Variants in AKAP1 observed in about 807,000 individuals in gnomAD.
The protein encoded by AKAP1 is A-kinase anchoring protein 1.
In AKAP1, 32 loss-of-function variants were observed where a neutral mutation model predicts 79.8. The observed-to-expected ratio is 0.40, with a 90% CI of 0.30 to 0.54. The LOEUF is 0.54. Ranked by LOEUF, AKAP1 falls within the 20% of genes least tolerant of loss-of-function variation. The pLI is 0.47. For missense variants in AKAP1, 961 were observed against 1,138.9 expected, an observed-to-expected ratio of 0.84 and a Z score of 2.25; for synonymous variants, 416 against 466.7, an observed-to-expected ratio of 0.89 and a Z score of 1.40.
chr17:57,107,895 G>C (rs1914993219), intron 2 of AKAP1: 1 of 1,206,034 alleles, frequency 8.3e-7, no homozygotes, highest in African/African-American at 1.6e-5. Context: ...AGCTTCCTGA[G>C]TTGTCGCTGT....
At position 57,086,426 on chromosome 17, in the gene AKAP1, C is replaced by T; in HGVS notation, c.-25+1028C>T. 2 of 456,488 alleles carry T rather than the reference C, an allele frequency of 4.4e-6. No homozygotes were observed. Among genetic ancestry groups the T allele is most frequent in the Non-Finnish European group, 8.8e-6 (2 of 226,798 alleles). 28.3% of individuals were successfully genotyped at this position (456,488 alleles called of 1,614,324 possible). ...CGTGGTAGGCGGTGCTGTGGCGACT[C>T]GGAACGGCATGGGAGCCCTGGGCGT... On this transcript the variant is annotated intron_variant, in intron 1 of 10. Coordinates refer to ENST00000337714, the MANE Select transcript of AKAP1 (RefSeq NM_003488.4). This position sits in a 1 kb window ranked among gnomAD's most constrained non-coding sequence, Gnocchi z 5.1.
At chr17:57,100,958 G>A (rs1056998872) in intron 1 of AKAP1, among the ~76,000 whole-genome samples, 7 of 152,342 alleles carry the variant, frequency 4.6e-5, no homozygotes, top group South Asian at 4.1e-4. Context: ...GAACCCGGGA[G>A]GCGGAGGTTG....
intron 1 of AKAP1, chr17:57,094,195 G>A (rs1913951464): frequency 6.6e-6 from 1 of 152,192 alleles, no homozygotes; most frequent in Non-Finnish European, 1.5e-5. Flanking sequence ...CACATACCAG[G>A]TACTCGCAAC....
intron 1 of AKAP1, among the ~76,000 whole-genome samples, chr17:57,097,744 G>T (rs971794545): frequency 8.5e-5 from 13 of 152,248 alleles, no homozygotes; most frequent in African/African-American, 3.1e-4. Context: ...GCCTTTGTCA[G>T]TGTGAACACT....
intron 1 of AKAP1, among the ~76,000 whole-genome samples, chr17:57,101,380 T>G (rs1184361135): frequency 6.6e-6 from 1 of 152,210 alleles, no homozygotes; most frequent in Non-Finnish European, 1.5e-5. Flanking sequence ...GTTTCACATG[T>G]TGCCCAGGCT....
chr17:57,098,088 G>T lies in AKAP1; in HGVS notation c.-24-7353G>T, dbSNP rs117084696. Among the ~76,000 whole-genome samples the T allele has an allele frequency of 1.3e-3, 196 of 152,356 alleles. 1 individual carries two copies. In the East Asian group the frequency reaches 0.024, roughly 18 times the overall value. ...ACTTTTCTGAGGGCTGTTCTGAGAA[G>T]CTGCAGGTACCTCCCTGGAGAAAGA... On this transcript the variant is annotated intron_variant, in intron 1 of 10. Coordinates refer to ENST00000337714, the MANE Select transcript of AKAP1 (RefSeq NM_003488.4).
At chr17:57,095,699 C>T (rs1203145240) in intron 1 of AKAP1, 1 of 152,084 alleles carries the variant, frequency 6.6e-6, no homozygotes, top group Admixed American at 6.6e-5. Flanking sequence ...TTGGTTTTGC[C>T]CATGTGAGGT....
chr17:57,089,012 C>T (rs1297152600), intron 1 of AKAP1, among the ~76,000 whole-genome samples: 1 of 152,190 alleles, frequency 6.6e-6, no homozygotes, highest in Non-Finnish European at 1.5e-5. Context: ...GCTGATGAGG[C>T]TTGTTTCACT....
At chr17:57,114,723 C>A (rs746974386) in intron 6 of AKAP1, 87 bp downstream of exon 6, 1 of 1,356,580 alleles carries the variant, frequency 7.4e-7, no homozygotes, top group Non-Finnish European at 1.0e-6. Context: ...GGCTGTTCTG[C>A]GATCCTTCAT....
intron 1 of AKAP1, among the ~76,000 whole-genome samples, chr17:57,097,459 C>A (rs974735904): frequency 1.3e-5 from 2 of 152,246 alleles, no homozygotes; most frequent in African/African-American, 4.8e-5. Flanking sequence ...CTGATACAAG[C>A]CAAGAGGCGC....
rs1363004148 is a variant in AKAP1 at position 57,109,240 on chromosome 17, C to T, written c.1715-785C>T. ...CACTTCTCTTGAGCTGATCTGGACC[C>T]GCTTTTTTGTGACGGTCCCTTTGGC... On this transcript the variant is annotated intron_variant, in intron 2 of 10. Coordinates refer to ENST00000337714, the MANE Select transcript of AKAP1 (RefSeq NM_003488.4). Among the ~76,000 whole-genome samples, 5 of 152,156 alleles carry T rather than the reference C, an allele frequency of 3.3e-5. No individual in the cohort carries two copies. The South Asian group carries it at 8.3e-4, about 25-fold the overall frequency.
At chr17:57,114,171 A>G (rs759929279) in intron 5 of AKAP1, among the ~76,000 whole-genome samples, 28 of 152,070 alleles carry the variant, frequency 1.8e-4, no homozygotes, top group Non-Finnish European at 3.7e-4. Context: ...CTACCTCCGC[A>G]GTTGCTTCTT....
intron 1 of AKAP1, chr17:57,092,630 T>C (rs894328413): frequency 1.3e-5 from 2 of 152,208 alleles, no homozygotes; most frequent in Non-Finnish European, 2.9e-5. Context: ...ACCTACACAG[T>C]GTACCTGTCA....
chr17:57,102,779 GC>G (rs1437424768), intron 1 of AKAP1, among the ~76,000 whole-genome samples: 1 of 152,078 alleles, frequency 6.6e-6, no homozygotes, highest in Non-Finnish European at 1.5e-5. Context: ...GCCTCCTTGA[GC>G]TATTTTAACC....
Position 57,111,807 on chromosome 17 carries a change from G to A in AKAP1, c.1858G>A (p.Gly620Ser), listed in dbSNP as rs758821858. The change falls in exon 4 of 11, where the codon GGT becomes AGT. Residue 620 changes from glycine (G) to serine (S), a missense_variant. Gly to Ser is a moderately conservative substitution (Grantham distance 56). This residue lies in a region of AKAP1 where 629 missense variants were observed against 781.1 expected (regional missense o/e 0.81). Transcript: ENST00000337714. ...WEIEVPKHLV[G>S]RLIGKQGRYV... Reference sequence around the variant, plus strand: ...TTTGTCTTTCTGGAAGCACTTAGTCGGTCGGCTAATTGGCAAGCAGGGGCG... The same window carrying A: ...TTTGTCTTTCTGGAAGCACTTAGTCAGTCGGCTAATTGGCAAGCAGGGGCG... 6.2e-6 allele frequency: 10 copies of A among 1,613,866 alleles called. No individual in the cohort carries two copies. The highest frequency in any genetic ancestry group is 2.2e-5 in the East Asian group (1 of 44,876).
Position 57,116,974 on chromosome 17 carries a change from T to G in AKAP1, c.2500+47T>G, listed in dbSNP as rs190949083. On this transcript the variant is annotated intron_variant, in intron 8 of 10. Coordinates refer to ENST00000337714, the MANE Select transcript of AKAP1 (RefSeq NM_003488.4). ...TTGGGGGATTGTTGGGGACAGTTGTTGAGAGTAGGTCTTTCTCAGAGCCTC... is the reference window on the plus strand; with the variant it reads ...TTGGGGGATTGTTGGGGACAGTTGTGGAGAGTAGGTCTTTCTCAGAGCCTC... The G allele has an allele frequency of 2.6e-6, 4 of 1,561,534 alleles. No individual in the cohort carries two copies. In the Admixed American group the frequency reaches 6.7e-5, roughly 26 times the overall value.
chr17:57,107,119 T>G lies in AKAP1; in HGVS notation c.1655T>G (p.Leu552Trp). Residue 552 changes from leucine (L) to tryptophan (W), a missense_variant, in exon 2 of 11, where the codon TTG becomes TGG. By Grantham distance (61) the Leu-to-Trp change is moderately conservative (BLOSUM62 -2). This residue lies in a region of AKAP1 where 629 missense variants were observed against 781.1 expected (regional missense o/e 0.81). Transcript: ENST00000337714. ...AGCAATGGGGTGCTGAAGGGGGAGT[T>G]GTCAGACTTGGGGGCTGAGGATGGA... ...PFSNGVLKGE[L>W]SDLGAEDGWT... The G allele has an allele frequency of 6.2e-7, 1 of 1,613,992 alleles. No individual in the cohort carries two copies.
At chr17:57,100,483 G>A (rs113246805) in intron 1 of AKAP1, among the ~76,000 whole-genome samples, 14,190 of 149,294 alleles carry the variant, frequency 0.095, 767 homozygotes, top group Non-Finnish European at 0.11. Context: ...CAGGCATGGT[G>A]CCGTGTGCCT....
At chr17:57,108,553 G>C (rs1915038260) in intron 2 of AKAP1, among the ~76,000 whole-genome samples, 1 of 152,186 alleles carries the variant, frequency 6.6e-6, no homozygotes, top group Non-Finnish European at 1.5e-5. Context: ...GAAGTCTTCT[G>C]AGTTTAGGCT....
Sources: allele counts gnomAD v4.1 joint callset (sites outside exome capture counted in the v4.1 genomes callset), GRCh38; gene constraint gnomAD v4.1.1; regional missense constraint gnomAD v4.1.1; non-coding constraint Gnocchi (gnomAD v3.1); transcripts MANE v1.5; gene names NCBI Gene and HGNC (gene_info 2026-07-23, HGNC 2026-07-21).